Variants in PGCKA1 observed in about 807,000 individuals in gnomAD.
PGCKA1 encodes the protein PDCD10 and GCKIII kinases-associated protein 1.
At chr4:37,459,504 A>G in the PGCKA1 span, among the ~76,000 whole-genome samples, 3 of 152,222 alleles carry the variant, frequency 2.0e-5, no homozygotes, top group Non-Finnish European at 4.4e-5. Context: ...GATGACATTT[A>G]AACCCATGTC....
At chr4:37,563,285 G>A in the PGCKA1 span, among the ~76,000 whole-genome samples, 2 of 152,144 alleles carry the variant, frequency 1.3e-5, no homozygotes, top group Non-Finnish European at 2.9e-5. Context: ...GAGGCCGGGA[G>A]GTCCAAGATC....
chr4:37,522,382 T>G, the PGCKA1 span, among the ~76,000 whole-genome samples: 1 of 152,154 alleles, frequency 6.6e-6, no homozygotes, highest in Non-Finnish European at 1.5e-5. Flanking sequence ...CAAAGAATAC[T>G]GCCAGACTAC....
the PGCKA1 span, among the ~76,000 whole-genome samples, chr4:37,578,445 G>C: frequency 5.6e-3 from 858 of 152,156 alleles, 6 homozygotes; most frequent in Middle Eastern, 6.8e-3. Context: ...TGTCTTTATA[G>C]GTGAAATGTG....
At chr4:37,500,199 C>G in the PGCKA1 span, among the ~76,000 whole-genome samples, 2 of 152,172 alleles carry the variant, frequency 1.3e-5, no homozygotes, top group Non-Finnish European at 2.9e-5. Flanking sequence ...GCTGGGATTA[C>G]AGGTGTGAGC....
chr4:37,533,959 A>G, the PGCKA1 span, among the ~76,000 whole-genome samples: 2 of 152,276 alleles, frequency 1.3e-5, no homozygotes, highest in East Asian at 1.9e-4. Context: ...TAGGATGTCC[A>G]TTTTACCTAG....
At chr4:37,479,794 G>A in the PGCKA1 span, among the ~76,000 whole-genome samples, 3 of 152,174 alleles carry the variant, frequency 2.0e-5, no homozygotes, top group Non-Finnish European at 2.9e-5. Flanking sequence ...GGAATCTACT[G>A]AAAGATCTTT....
chr4:37,516,929 C>T, the PGCKA1 span, among the ~76,000 whole-genome samples: 3 of 152,016 alleles, frequency 2.0e-5, no homozygotes, highest in African/African-American at 7.2e-5. Context: ...AAAAATGATG[C>T]AAGGTTTCTA....
the PGCKA1 span, among the ~76,000 whole-genome samples, chr4:37,465,399 T>C: frequency 6.6e-6 from 1 of 152,040 alleles, no homozygotes; most frequent in Non-Finnish European, 1.5e-5. Context: ...ATAACCATAC[T>C]GGTGTGGATG....
the PGCKA1 span, chr4:37,590,904 G>A: frequency 6.2e-7 from 1 of 1,614,232 alleles, no homozygotes; most frequent in Non-Finnish European, 8.5e-7. Context: ...ATGGAGATGG[G>A]GATGGGGAGA....
the PGCKA1 span, among the ~76,000 whole-genome samples, chr4:37,570,992 A>C: frequency 6.6e-6 from 1 of 152,182 alleles, no homozygotes; most frequent in Admixed American, 6.5e-5. Flanking sequence ...CTGTTAGAAT[A>C]GTTTATCATA....
At chr4:37,537,644 T>C in the PGCKA1 span, among the ~76,000 whole-genome samples, 2 of 152,156 alleles carry the variant, frequency 1.3e-5, no homozygotes, top group African/African-American at 2.4e-5. Context: ...GAGCCTACAT[T>C]TGAGTTCTCT....
the PGCKA1 span, among the ~76,000 whole-genome samples, chr4:37,545,259 C>A: frequency 6.6e-6 from 1 of 152,132 alleles, no homozygotes; most frequent in East Asian, 1.9e-4. Context: ...AGGCTGCAGT[C>A]CCCAACATTT....
chr4:37,492,106 A>C, the PGCKA1 span, among the ~76,000 whole-genome samples: 4 of 150,134 alleles, frequency 2.7e-5, no homozygotes, highest in Non-Finnish European at 5.9e-5. The surrounding 1 kb of genome is among the most constrained non-coding windows in gnomAD (Gnocchi z 4.7). Flanking sequence ...CAGTGGCGTG[A>C]TCTTGGTTCA....
the PGCKA1 span, among the ~76,000 whole-genome samples, chr4:37,560,183 G>T: frequency 1.3e-5 from 2 of 152,090 alleles, no homozygotes; most frequent in Non-Finnish European, 2.9e-5. Context: ...ATCTCTTATG[G>T]CTCCAAATTC....
chr4:37,527,719 A>G, the PGCKA1 span, among the ~76,000 whole-genome samples: 2 of 151,684 alleles, frequency 1.3e-5, no homozygotes, highest in African/African-American at 4.8e-5. Context: ...AGTCCCAGCT[A>G]CTTGGGAGGC....
the PGCKA1 span, among the ~76,000 whole-genome samples, chr4:37,578,087 G>A: frequency 6.6e-6 from 1 of 152,154 alleles, no homozygotes; most frequent in Admixed American, 6.5e-5. Flanking sequence ...ACAGTTAAGT[G>A]CAATGTTTCT....
At chr4:37,577,876 G>C in the PGCKA1 span, among the ~76,000 whole-genome samples, 1 of 151,972 alleles carries the variant, frequency 6.6e-6, no homozygotes, top group African/African-American at 2.4e-5. Context: ...TCTTGGTATT[G>C]ATTTCTAGTT....
At chr4:37,504,621 T>A in the PGCKA1 span, among the ~76,000 whole-genome samples, 4 of 152,178 alleles carry the variant, frequency 2.6e-5, no homozygotes, top group South Asian at 6.2e-4. Flanking sequence ...GTTTTATAGT[T>A]TTCATTGTAG....
chr4:37,511,955 A>G, the PGCKA1 span, among the ~76,000 whole-genome samples: 78,175 of 152,066 alleles, frequency 0.51, 20,469 homozygotes, highest in African/African-American at 0.6. Flanking sequence ...CAGTCCAAAT[A>G]TTCCCTCTGT....
Sources: gnomAD v4.1 joint callset for allele counts (sites outside exome capture counted in the v4.1 genomes callset) on GRCh38, gnomAD v4.1.1 for gene constraint, Gnocchi (gnomAD v3.1) non-coding constraint, MANE v1.5 for transcripts, NCBI Gene and HGNC (gene_info 2026-07-23, HGNC 2026-07-21) for gene names.